Variants in ARHGAP15 observed in about 807,000 individuals in gnomAD.
ARHGAP15 encodes Rho GTPase activating protein 15.
Under a neutral mutation model 63.7 loss-of-function variants are expected in ARHGAP15, and 51 were observed. That is an observed-to-expected ratio of 0.80 (90% CI 0.64 to 1.01). The LOEUF (loss-of-function observed/expected upper bound fraction) is 1.01, where lower values mean the gene tolerates loss of function less well. Ranked by LOEUF, ARHGAP15 falls within the 50% of genes least tolerant of loss-of-function variation. ARHGAP15 has a pLI of 0.00. For synonymous variants in ARHGAP15, 191 were observed against 193.8 expected, an observed-to-expected ratio of 0.99 and a Z score of 0.12; for missense variants, 560 against 564.6, an observed-to-expected ratio of 0.99 and a Z score of 0.08.
intron 12 of ARHGAP15, among the ~76,000 whole-genome samples, chr2:143,663,920 G>C (rs944238264): frequency 1.1e-4 from 16 of 152,158 alleles, no homozygotes; most frequent in East Asian, 5.8e-4. Context: ...AGCAAGTCCT[G>C]AGTGACCTAC....
intron 8 of ARHGAP15, among the ~76,000 whole-genome samples, chr2:143,469,955 CTCTT>C (rs1691437170): frequency 6.6e-6 from 1 of 151,906 alleles, no homozygotes; most frequent in Non-Finnish European, 1.5e-5. Flanking sequence ...CTCACTCTCT[CTCTT>C]TTTTTTTCTC....
chr2:143,340,999 A>G (rs561170171), intron 6 of ARHGAP15, among the ~76,000 whole-genome samples: 1 of 149,794 alleles, frequency 6.7e-6, no homozygotes, highest in South Asian at 2.2e-4. Context: ...TTTTGTTTTT[A>G]CCGTTTTGGG....
intron 12 of ARHGAP15, among the ~76,000 whole-genome samples, chr2:143,639,140 T>A (rs1259825731): frequency 1.3e-5 from 2 of 152,062 alleles, no homozygotes; most frequent in African/African-American, 4.8e-5. Context: ...ATTACAAGTG[T>A]CTATTTAGAA....
At chr2:143,509,754 G>T in intron 9 of ARHGAP15, among the ~76,000 whole-genome samples, 1 of 152,124 alleles carries the variant, frequency 6.6e-6, no homozygotes, top group Admixed American at 6.5e-5. Context: ...TGGGCATGGT[G>T]GTCCACACCT....
intron 13 of ARHGAP15, among the ~76,000 whole-genome samples, chr2:143,743,884 A>G (rs769257376): frequency 1.1e-4 from 16 of 148,942 alleles, no homozygotes; most frequent in Non-Finnish European, 2.3e-4. Flanking sequence ...CTTCCAGAAG[A>G]AAAAAAAAAC....
intron 1 of ARHGAP15, 81 bp from the exon 2 acceptor site, chr2:143,155,396 G>T: frequency 8.0e-7 from 1 of 1,256,976 alleles, no homozygotes; most frequent in Non-Finnish European, 1.1e-6. Flanking sequence ...ATATCCTAAT[G>T]ATTACTAGGG....
chr2:143,436,838 A>G (rs545848542), intron 7 of ARHGAP15, 75 bp from the exon 8 acceptor site: 1 of 1,536,722 alleles, frequency 6.5e-7, no homozygotes, highest in South Asian at 1.2e-5. Flanking sequence ...TAAACAGCAA[A>G]ATTGAACACA....
intron 13 of ARHGAP15, among the ~76,000 whole-genome samples, chr2:143,754,948 A>C (rs575369103): frequency 6.6e-6 from 1 of 152,312 alleles, no homozygotes; most frequent in South Asian, 2.1e-4. Flanking sequence ...GCTTTTCTGC[A>C]TCACCCCTGA....
intron 11 of ARHGAP15, among the ~76,000 whole-genome samples, chr2:143,604,083 A>T (rs1313252546): frequency 3.3e-5 from 5 of 152,214 alleles, no homozygotes; most frequent in Non-Finnish European, 7.3e-5. Flanking sequence ...CTCTCAAAGT[A>T]GTGGTTGCAT....
At chr2:143,418,899 G>T (rs1214101141) in intron 6 of ARHGAP15, among the ~76,000 whole-genome samples, 1 of 152,086 alleles carries the variant, frequency 6.6e-6, no homozygotes, top group Non-Finnish European at 1.5e-5. Context: ...TTCTTGTATC[G>T]AAGATTTGCT....
At chr2:143,487,929 T>C (rs1475936982) in intron 9 of ARHGAP15, among the ~76,000 whole-genome samples, 1 of 152,230 alleles carries the variant, frequency 6.6e-6, no homozygotes, top group African/African-American at 2.4e-5. Context: ...CTAGTCATAG[T>C]CTGAAGTAAG....
At chr2:143,683,633 T>C (rs1683202783) in intron 12 of ARHGAP15, among the ~76,000 whole-genome samples, 1 of 152,234 alleles carries the variant, frequency 6.6e-6, no homozygotes, top group Admixed American at 6.5e-5. Flanking sequence ...CTTATCTACA[T>C]GCCACATTAT....
At chr2:143,605,210 T>C (rs757414254) in intron 11 of ARHGAP15, among the ~76,000 whole-genome samples, 70 of 152,132 alleles carry the variant, frequency 4.6e-4, no homozygotes, top group African/African-American at 1.6e-3. Flanking sequence ...TTTTTACAGC[T>C]TGTTTTCACC....
intron 13 of ARHGAP15, among the ~76,000 whole-genome samples, chr2:143,750,644 A>T (rs1344424803): frequency 1.3e-5 from 2 of 152,166 alleles, no homozygotes; most frequent in Non-Finnish European, 2.9e-5. Context: ...GAGCTTCCAG[A>T]TCAAGAGCAA....
chr2:143,166,041 A>AAAGAAAG (rs1558787901), intron 2 of ARHGAP15, among the ~76,000 whole-genome samples: 993 of 96,000 alleles, frequency 0.01, 6 homozygotes, highest in African/African-American at 0.036. Flanking sequence ...CAAAGGAAGA[A>AAAGAAAG]AAAGAAAGAA....
intron 2 of ARHGAP15, among the ~76,000 whole-genome samples, chr2:143,167,085 C>T (rs982671417): frequency 1.3e-5 from 2 of 152,056 alleles, no homozygotes; most frequent in African/African-American, 4.8e-5. Flanking sequence ...TGAACACAGA[C>T]ATAATTTAAA....
At chr2:143,530,904 A>G (rs1694495649) in intron 10 of ARHGAP15, among the ~76,000 whole-genome samples, 1 of 152,164 alleles carries the variant, frequency 6.6e-6, no homozygotes, top group South Asian at 2.1e-4. Context: ...GTTTCATTTC[A>G]TGATACAAAG....
chr2:143,568,091 A>G (rs1047004179), intron 11 of ARHGAP15, among the ~76,000 whole-genome samples: 9 of 151,776 alleles, frequency 5.9e-5, no homozygotes, highest in Non-Finnish European at 1.3e-4. Flanking sequence ...AGGCAATACC[A>G]TTCAGGACAT....
At chr2:143,393,333 T>C (rs1012185150) in intron 6 of ARHGAP15, among the ~76,000 whole-genome samples, 4 of 152,202 alleles carry the variant, frequency 2.6e-5, no homozygotes, top group Non-Finnish European at 5.9e-5. Context: ...TAGACATCAT[T>C]ATTAATATTA....
Sources: allele counts gnomAD v4.1 joint callset (sites outside exome capture counted in the v4.1 genomes callset), GRCh38; gene constraint gnomAD v4.1.1; transcripts MANE v1.5; gene names NCBI Gene and HGNC (gene_info 2026-07-23, HGNC 2026-07-21).